Variants in PLXNA4 observed in about 807,000 individuals in gnomAD.
PLXNA4 encodes plexin A4.
In PLXNA4, 44 loss-of-function variants were observed where a neutral mutation model predicts 191.8. The observed-to-expected ratio is 0.23, with a 90% CI of 0.18 to 0.29. PLXNA4 has a LOEUF of 0.29. Among genes scored for constraint, PLXNA4 ranks in the 10% least tolerant of loss-of-function variants. The probability of loss-of-function intolerance (pLI) is 1.00; values close to 1 mark genes in which losing one functional copy is unlikely to be tolerated. For missense variants in PLXNA4, 1,800 were observed against 2,488.8 expected, an observed-to-expected ratio of 0.72 and a Z score of 5.89; for synonymous variants, 1,082 against 1,009.5, an observed-to-expected ratio of 1.07 and a Z score of -1.36.
chr7:132,622,990 G>A (rs767550880), intron 2 of PLXNA4, among the ~76,000 whole-genome samples: 7 of 152,116 alleles, frequency 4.6e-5, no homozygotes, highest in Non-Finnish European at 7.3e-5. Flanking sequence ...TTCCATAGCT[G>A]CGAAAGGAAA....
chr7:132,211,574 C>G (rs1171083462), intron 9 of PLXNA4, among the ~76,000 whole-genome samples: 1 of 152,190 alleles, frequency 6.6e-6, no homozygotes, highest in Admixed American at 6.5e-5. Flanking sequence ...CGCAGAGAGG[C>G]AAAGCCCTGG....
In PLXNA4 at chr7:132,135,734, A is replaced by G. The variant is rs146936400; in HGVS notation, c.5439-2535T>C. 6.2e-4 allele frequency among the ~76,000 whole-genome samples: 95 copies of G among 152,308 alleles called. No homozygotes were observed. In the East Asian group the frequency reaches 0.013, roughly 21 times the overall value. ...CAGGGAGTTGAGAGTAGGGTAGGACAGGGCTGGGGCCCTGACCATCTCATC... is the reference window on the plus strand; with the variant it reads ...CAGGGAGTTGAGAGTAGGGTAGGACGGGGCTGGGGCCCTGACCATCTCATC... On this transcript the variant is annotated intron_variant, in intron 30 of 31. Transcript: ENST00000321063.
intron 3 of PLXNA4, among the ~76,000 whole-genome samples, chr7:132,331,871 T>G (rs1454822777): frequency 6.6e-6 from 1 of 152,088 alleles, no homozygotes; most frequent in Non-Finnish European, 1.5e-5. Flanking sequence ...GCCACTGCTG[T>G]GGCTAGAGAC....
At chr7:132,638,122 G>A (rs757336902) in intron 2 of PLXNA4, among the ~76,000 whole-genome samples, 6 of 152,128 alleles carry the variant, frequency 3.9e-5, no homozygotes, top group South Asian at 2.1e-4. Flanking sequence ...CCACAACGGA[G>A]CCTCCACTCC....
chr7:132,412,807 T>A (rs1282268708), intron 3 of PLXNA4, among the ~76,000 whole-genome samples: 1 of 152,076 alleles, frequency 6.6e-6, no homozygotes, highest in African/African-American at 2.4e-5. Flanking sequence ...TTGCTGTGGA[T>A]CCCAGAGTGA....
intron 4 of PLXNA4, among the ~76,000 whole-genome samples, chr7:132,242,209 A>G (rs898255022): frequency 1.3e-5 from 2 of 150,938 alleles, no homozygotes; most frequent in Admixed American, 6.6e-5. Context: ...TTTTATCTCA[A>G]TGGAGAATCC....
rs1799601598 is a variant in PLXNA4, at chr7:132,260,543, T to C, written c.1504-19377A>G. ...GGGGAGGATGAAAGGGGGCTGAGGG[T>C]TGAAAAACTGTCTATCTGGTACTAT... is the stretch of plus-strand genomic sequence containing the variant. On this transcript the variant is annotated intron_variant, in intron 4 of 31. Transcript: ENST00000321063. Among the ~76,000 whole-genome samples, 6 of 151,792 alleles carry C rather than the reference T, an allele frequency of 4.0e-5. No homozygotes were observed. The South Asian group carries it at 1.2e-3, about 32-fold the overall frequency.
intron 3 of PLXNA4, among the ~76,000 whole-genome samples, chr7:132,306,897 AAG>A (rs1312353233): frequency 9.2e-4 from 140 of 152,214 alleles, no homozygotes; most frequent in African/African-American, 3.2e-3. Flanking sequence ...TGGGGCAAAG[AAG>A]AGCTGGGAAG....
intron 21 of PLXNA4, among the ~76,000 whole-genome samples, chr7:132,171,191 T>C (rs549212651): frequency 6.6e-6 from 1 of 152,362 alleles, no homozygotes; most frequent in African/African-American, 2.4e-5. Flanking sequence ...ATAATGTCAT[T>C]TCTTGGGCAT....
At chr7:132,347,210 A>C (rs1224974677) in intron 3 of PLXNA4, among the ~76,000 whole-genome samples, 1 of 152,156 alleles carries the variant, frequency 6.6e-6, no homozygotes, top group Non-Finnish European at 1.5e-5. Context: ...CCTTCCCCCC[A>C]AAAAAGGAGA....
chr7:132,539,013 A>G (rs1017727757), intron 1 of PLXNA4, among the ~76,000 whole-genome samples: 4 of 152,292 alleles, frequency 2.6e-5, no homozygotes, highest in African/African-American at 7.2e-5. Context: ...ATCTTCTATG[A>G]CTTTTTAACA....
At chr7:132,627,921 T>C (rs1007925310) in intron 2 of PLXNA4, among the ~76,000 whole-genome samples, 4 of 152,368 alleles carry the variant, frequency 2.6e-5, no homozygotes, top group African/African-American at 7.2e-5. Flanking sequence ...CTCTCACTAA[T>C]ATCTCTCCAA....
At chr7:132,563,391 T>TC (rs1801454670) in intron 1 of PLXNA4, among the ~76,000 whole-genome samples, 2 of 90,138 alleles carry the variant, frequency 2.2e-5, no homozygotes, top group Admixed American at 1.1e-4. Flanking sequence ...CTCCTCCTCC[T>TC]CTTTCTCCTC....
At chr7:132,246,768 AATCATCATC>A (rs34617807) in intron 4 of PLXNA4, among the ~76,000 whole-genome samples, 10,960 of 149,950 alleles carry the variant, frequency 0.073, 526 homozygotes, top group African/African-American at 0.13. Flanking sequence ...TTGTACATGC[AATCATCATC>A]ATCATCATCA....
chr7:132,561,166 T>C (rs1415143797), intron 1 of PLXNA4, among the ~76,000 whole-genome samples: 2 of 152,038 alleles, frequency 1.3e-5, no homozygotes, highest in African/African-American at 4.8e-5. Context: ...CCAAGGGCTG[T>C]GCTCTCACCT....
At position 132,242,597 on chromosome 7, in the gene PLXNA4, T is replaced by A. The variant is rs17166278; in HGVS notation, c.1504-1431A>T. The stretch of plus-strand genomic sequence containing the variant: ...CTCCAAAGTACACACTGAGCGTTCT[T>A]AATGACCACACTGCGCTTTCACTTC... On this transcript the variant is annotated intron_variant, in intron 4 of 31. Transcript: ENST00000321063. 8.4e-3 allele frequency among the ~76,000 whole-genome samples: 1,282 copies of A among 152,288 alleles called. 23 individuals carry two copies. Among genetic ancestry groups the A allele is most frequent in the African/African-American group, 0.029 (1,211 of 41,562 alleles).
At chr7:132,444,744 C>T (rs972973610) in intron 3 of PLXNA4, among the ~76,000 whole-genome samples, 1 of 152,236 alleles carries the variant, frequency 6.6e-6, no homozygotes, top group East Asian at 1.9e-4. Flanking sequence ...ACCATGCACC[C>T]TCTCCACTTT....
intron 3 of PLXNA4, among the ~76,000 whole-genome samples, chr7:132,346,205 G>A (rs1176800109): frequency 1.3e-5 from 2 of 152,182 alleles, no homozygotes; most frequent in Admixed American, 1.3e-4. Flanking sequence ...ATAAAATAAT[G>A]CTAACTTCAT....
At chr7:132,190,813 G>A (rs897567450) in intron 14 of PLXNA4, among the ~76,000 whole-genome samples, 1 of 152,154 alleles carries the variant, frequency 6.6e-6, no homozygotes, top group African/African-American at 2.4e-5. Context: ...GCTCTGGGCA[G>A]GTGGCAGGCC....
Sources: allele counts gnomAD v4.1 joint callset (sites outside exome capture counted in the v4.1 genomes callset), GRCh38; gene constraint gnomAD v4.1.1; transcripts MANE v1.5; gene names NCBI Gene and HGNC (gene_info 2026-07-23, HGNC 2026-07-21).